Variants in ADGRB3 observed in about 807,000 individuals in gnomAD.
The protein encoded by ADGRB3 is brain-specific angiogenesis inhibitor 3.
A neutral mutation model predicts 193.4 loss-of-function variants in ADGRB3; 37 were observed. The observed-to-expected ratio is 0.19, with a 90% CI of 0.15 to 0.25. The LOEUF (loss-of-function observed/expected upper bound fraction) is 0.25. Ranked by LOEUF, ADGRB3 falls within the 10% of genes least tolerant of loss-of-function variation. ADGRB3 has a pLI of 1.00. For missense variants in ADGRB3, 1,637 were observed against 1,852.9 expected, an observed-to-expected ratio of 0.88 and a Z score of 2.14; for synonymous variants, 690 against 644.2, an observed-to-expected ratio of 1.07 and a Z score of -1.08.
intron 3 of ADGRB3, among the ~76,000 whole-genome samples, chr6:68,826,885 C>G (rs1200920836): frequency 1.3e-5 from 2 of 152,136 alleles, no homozygotes; most frequent in Non-Finnish European, 1.5e-5. Context: ...CTGAGAGAGA[C>G]TAGGATGGCC....
rs186642750 is a variant in ADGRB3 at position 68,902,822 on chromosome 6, T to G, written c.758-27737T>G. Among the ~76,000 whole-genome samples the G allele has an allele frequency of 3.9e-5, 6 of 152,280 alleles. No homozygotes were observed. In the South Asian group the frequency reaches 1.0e-3, roughly 26 times the overall value. On this transcript the variant is annotated intron_variant, in intron 3 of 31. Coordinates refer to ENST00000370598, the MANE Select transcript of ADGRB3 (RefSeq NM_001704.3). The stretch of plus-strand genomic sequence containing the variant: ...GCATGACTGAGTAGACTAAAAGGAC[T>G]AGACACTGATTAAAAGTCTTTCTCA...
intron 13 of ADGRB3, among the ~76,000 whole-genome samples, chr6:69,035,309 T>G (rs1770834870): frequency 6.6e-6 from 1 of 152,052 alleles, no homozygotes; most frequent in Admixed American, 6.6e-5. Context: ...TAGGCACACA[T>G]ACTTCAGTTC....
At chr6:68,968,849 A>C (rs1257764562) in intron 8 of ADGRB3, among the ~76,000 whole-genome samples, 3 of 152,172 alleles carry the variant, frequency 2.0e-5, no homozygotes, top group African/African-American at 7.2e-5. Context: ...TTATTACACT[A>C]CTGTCCAACA....
At chr6:69,000,717 A>T (rs767341658) in intron 11 of ADGRB3, among the ~76,000 whole-genome samples, 5 of 152,248 alleles carry the variant, frequency 3.3e-5, no homozygotes, top group Non-Finnish European at 5.9e-5. Context: ...AGAAAAGTGC[A>T]CATTGGCCAA....
chr6:69,226,480 T>C lies in ADGRB3; in HGVS notation c.2481-6810T>C, dbSNP rs75660390. Reference sequence around the variant, plus strand: ...TATACCTGTCCTCATGATATGTACATTCTAGTGAGCAAAGATGGGCAAAAA... The same window carrying C: ...TATACCTGTCCTCATGATATGTACACTCTAGTGAGCAAAGATGGGCAAAAA... On this transcript the variant is annotated intron_variant, in intron 17 of 31. Coordinates refer to ENST00000370598, the MANE Select transcript of ADGRB3 (RefSeq NM_001704.3). Among the ~76,000 whole-genome samples the C allele has an allele frequency of 2.4e-4, 37 of 152,270 alleles. 2 individuals carry two copies. The East Asian group carries it at 7.1e-3, about 29-fold the overall frequency.
intron 3 of ADGRB3, among the ~76,000 whole-genome samples, chr6:68,821,213 C>A (rs184065931): frequency 8.3e-4 from 126 of 151,922 alleles, no homozygotes; most frequent in African/African-American, 2.9e-3. Context: ...TTGTTTTTAC[C>A]ATGTCTTGCA....
At position 69,361,123 on chromosome 6, in the gene ADGRB3, T is replaced by C. The variant is rs140587674; in HGVS notation, c.3850T>C (p.Cys1284Arg). 2.3e-5 allele frequency: 37 copies of C among 1,612,798 alleles called. No homozygotes were observed. Among genetic ancestry groups the C allele is most frequent in the African/African-American group, 1.9e-4 (14 of 74,846 alleles). The change falls in exon 29 of 32, where the codon TGT (cysteine) becomes CGT (arginine). Residue 1284 changes from cysteine (C) to arginine (R), a missense_variant. Transcript: ENST00000370598. ...TGAATTGCGGAGAACTGTGTACTTATGTACGGATGATAATTTGAGAGGGGC... is the reference window on the plus strand; with the variant it reads ...TGAATTGCGGAGAACTGTGTACTTACGTACGGATGATAATTTGAGAGGGGC... ...NSELRRTVYL[C>R]TDDNLRGADM...
chr6:69,299,944 T>C (rs866298406), intron 20 of ADGRB3, among the ~76,000 whole-genome samples: 1 of 151,840 alleles, frequency 6.6e-6, no homozygotes, highest in Admixed American at 6.6e-5. Context: ...TTAATAGGGA[T>C]TGCATTGAAT....
chr6:68,889,248 C>T (rs1766003367), intron 3 of ADGRB3, among the ~76,000 whole-genome samples: 1 of 152,136 alleles, frequency 6.6e-6, no homozygotes, highest in African/African-American at 2.4e-5. Flanking sequence ...ATTCAGACTT[C>T]ATTTAATTCA....
At chr6:69,000,325 G>A (rs1769532539) in intron 11 of ADGRB3, among the ~76,000 whole-genome samples, 1 of 152,320 alleles carries the variant, frequency 6.6e-6, no homozygotes, top group Non-Finnish European at 1.5e-5. Context: ...AGGTCCCTTT[G>A]AGAATCTGGT....
intron 17 of ADGRB3, among the ~76,000 whole-genome samples, chr6:69,087,082 T>G (rs970051501): frequency 1.1e-4 from 16 of 152,130 alleles, no homozygotes; most frequent in African/African-American, 3.9e-4. Flanking sequence ...CACATATAGA[T>G]CCTTTACACG....
chr6:69,096,296 T>C (rs531095935), intron 17 of ADGRB3, among the ~76,000 whole-genome samples: 5 of 151,938 alleles, frequency 3.3e-5, no homozygotes, highest in African/African-American at 1.2e-4. Context: ...GTCTCAAAGC[T>C]ACGTGGACTT....
At chr6:69,366,603 T>G (rs1355842816) in intron 29 of ADGRB3, among the ~76,000 whole-genome samples, 3 of 152,106 alleles carry the variant, frequency 2.0e-5, no homozygotes, top group Non-Finnish European at 4.4e-5. Context: ...CACTTTTAAA[T>G]CATCGTAAAG....
intron 26 of ADGRB3, among the ~76,000 whole-genome samples, chr6:69,353,920 G>T (rs544173176): frequency 6.6e-6 from 1 of 151,974 alleles, no homozygotes; most frequent in African/African-American, 2.4e-5. Flanking sequence ...AATATTAGTC[G>T]GGCGTGGTGG....
chr6:68,994,408 T>G (rs188944610), intron 11 of ADGRB3, among the ~76,000 whole-genome samples: 2 of 152,324 alleles, frequency 1.3e-5, no homozygotes, highest in East Asian at 3.9e-4. Context: ...AAAAACATAT[T>G]TAATTTTATC....
chr6:68,743,640 A>G (rs974299965), intron 3 of ADGRB3, among the ~76,000 whole-genome samples: 3 of 152,096 alleles, frequency 2.0e-5, no homozygotes, highest in African/African-American at 7.2e-5. Context: ...CTAAAAAGGA[A>G]ATAGAAATTC....
chr6:69,000,402 A>G (rs920906045), intron 11 of ADGRB3, among the ~76,000 whole-genome samples: 1 of 152,196 alleles, frequency 6.6e-6, no homozygotes, highest in African/African-American at 2.4e-5. Flanking sequence ...AATACACCTT[A>G]TTTAATGTAT....
intron 17 of ADGRB3, among the ~76,000 whole-genome samples, chr6:69,205,207 G>C (rs1172253354): frequency 6.6e-6 from 1 of 152,000 alleles, no homozygotes; most frequent in Admixed American, 6.6e-5. Flanking sequence ...TCAATATAAG[G>C]ACATTTTATT....
intron 3 of ADGRB3, among the ~76,000 whole-genome samples, chr6:68,804,918 T>C (rs1335197047): frequency 6.6e-6 from 1 of 151,998 alleles, no homozygotes; most frequent in East Asian, 1.9e-4. Flanking sequence ...ATTTTTTTAA[T>C]TGTATTTTTA....
Sources: allele counts gnomAD v4.1 joint callset (sites outside exome capture counted in the v4.1 genomes callset), GRCh38; gene constraint gnomAD v4.1.1; transcripts MANE v1.5; gene names NCBI Gene and HGNC (gene_info 2026-07-23, HGNC 2026-07-21).